Variants in GAD2 observed in about 807,000 individuals in gnomAD.
GAD2 encodes the protein 65 kDa glutamic acid decarboxylase.
GAD2 carries 22 observed loss-of-function variants against 80.1 expected under a neutral mutation model. That is an observed-to-expected ratio of 0.27 (90% CI 0.20 to 0.39). The LOEUF is 0.39. Among genes scored for constraint, GAD2 ranks in the 10% least tolerant of loss-of-function variants. GAD2 has a pLI of 1.00. For synonymous variants in GAD2, 274 were observed against 256.9 expected (o/e 1.07, Z -0.64); for missense variants, 624 against 738.4 (o/e 0.85, Z 1.80).
chr10:26,249,756 C>A (rs1017472133), intron 8 of GAD2, among the ~76,000 whole-genome samples: 3 of 152,208 alleles, frequency 2.0e-5, no homozygotes, highest in African/African-American at 7.2e-5. Context: ...AAGGGGCCTG[C>A]CTGAGGACAT....
At position 26,217,827 on chromosome 10, in the gene GAD2, G is replaced by A. The variant is rs1198659746; in HGVS notation, c.137-15G>A. Reference sequence around the variant, plus strand: ...CGGAGGATTGACGAGGCCCGCGTTCGGTGTCCTTACCCAGCCCTGCTCTAC... The same window carrying A: ...CGGAGGATTGACGAGGCCCGCGTTCAGTGTCCTTACCCAGCCCTGCTCTAC... On this transcript the variant is annotated splice_polypyrimidine_tract_variant and intron_variant, in intron 2 of 15. Coordinates refer to ENST00000376261, the MANE Select transcript of GAD2 (RefSeq NM_001134366.2). This position sits in a 1 kb window ranked among gnomAD's most constrained non-coding sequence, Gnocchi z 4.9. The A allele has an allele frequency of 1.9e-6, 3 of 1,595,026 alleles. No individual in the cohort carries two copies. The Admixed American group carries it at 5.2e-5, about 28-fold the overall frequency.
At chr10:26,242,113 G>A (rs963401872) in intron 7 of GAD2, among the ~76,000 whole-genome samples, 2 of 152,082 alleles carry the variant, frequency 1.3e-5, no homozygotes, top group African/African-American at 4.8e-5. Context: ...AGCCTCCGGA[G>A]TAGCTGGGAC....
chr10:26,244,823 G>A (rs1463430720), intron 7 of GAD2, among the ~76,000 whole-genome samples: 1 of 152,162 alleles, frequency 6.6e-6, no homozygotes, highest in Non-Finnish European at 1.5e-5. Context: ...ACAACACTGT[G>A]AATATATTTG....
chr10:26,283,363 C>T (rs771274965), intron 12 of GAD2, among the ~76,000 whole-genome samples: 5 of 152,202 alleles, frequency 3.3e-5, no homozygotes, highest in Non-Finnish European at 4.4e-5. Context: ...AAAAGGGACA[C>T]TGTTATTGGA....
intron 7 of GAD2, among the ~76,000 whole-genome samples, chr10:26,237,232 C>G (rs1844684720): frequency 6.6e-6 from 1 of 152,164 alleles, no homozygotes; most frequent in Non-Finnish European, 1.5e-5. Flanking sequence ...GACGGATGCT[C>G]CCTTGTTCCC....
intron 6 of GAD2, among the ~76,000 whole-genome samples, chr10:26,225,576 G>C (rs1010520442): frequency 2.6e-5 from 4 of 152,136 alleles, no homozygotes; most frequent in African/African-American, 9.7e-5. Flanking sequence ...AAGGCCAAGT[G>C]GTTGTGCTCT....
At chr10:26,238,461 G>A (rs3904298) in intron 7 of GAD2, among the ~76,000 whole-genome samples, 19,776 of 152,216 alleles carry the variant, frequency 0.13, 1,610 homozygotes, top group African/African-American at 0.24. Context: ...CACTACTGAT[G>A]TTCACATTTG....
chr10:26,270,556 G>A (rs996886806), intron 9 of GAD2, 84 bp from the exon 10 acceptor site: 2 of 977,350 alleles, frequency 2.0e-6, no homozygotes, highest in African/African-American at 3.2e-5. Flanking sequence ...CTGTTAGGGA[G>A]AGAATTTCCA....
intron 7 of GAD2, among the ~76,000 whole-genome samples, chr10:26,232,919 C>T (rs139630808): frequency 1.4e-4 from 21 of 152,328 alleles, no homozygotes; most frequent in African/African-American, 4.6e-4. Context: ...ATTTGAATTA[C>T]GAAGCTCTCC....
chr10:26,249,516 A>C (rs1844853362), intron 8 of GAD2, among the ~76,000 whole-genome samples: 1 of 152,260 alleles, frequency 6.6e-6, no homozygotes, highest in African/African-American at 2.4e-5. Context: ...AGAATCACCT[A>C]GAGGGCCGTG....
In GAD2 at chr10:26,245,907, TA is replaced by T. The variant is rs1805399; in HGVS notation, c.841-13del. On this transcript the variant is annotated splice_polypyrimidine_tract_variant and intron_variant, in intron 7 of 15. Transcript: ENST00000376261. ...ATATGGAACTAATTGCAAATATATATATTTTTTTTACAGAGTCATTTTTCTC... is the reference window on the plus strand; with the variant it reads ...ATATGGAACTAATTGCAAATATATATTTTTTTTTACAGAGTCATTTTTCTC... 5.1e-3 allele frequency: 8,071 copies of T among 1,595,856 alleles called. 295 individuals carry two copies. In the African/African-American group the frequency reaches 0.091, roughly 18 times the overall value.
chr10:26,222,792 G>A lies in GAD2; in HGVS notation c.521-1095G>A, dbSNP rs147128411. On this transcript the variant is annotated intron_variant, in intron 4 of 15. Coordinates refer to ENST00000376261, the MANE Select transcript of GAD2 (RefSeq NM_001134366.2). Reference sequence around the variant, plus strand: ...GGAGATAAGCTAGCCATTGACTTTTGTCCCTGCTCTTCCCCATTGCCTTCC... The same window carrying A: ...GGAGATAAGCTAGCCATTGACTTTTATCCCTGCTCTTCCCCATTGCCTTCC... Among the ~76,000 whole-genome samples, 11 of 152,364 alleles carry A rather than the reference G, an allele frequency of 7.2e-5. No individual in the cohort carries two copies. In the East Asian group the frequency reaches 1.3e-3, roughly 19 times the overall value.
chr10:26,267,583 G>A (rs950279274), intron 8 of GAD2, among the ~76,000 whole-genome samples: 3 of 152,134 alleles, frequency 2.0e-5, no homozygotes, highest in African/African-American at 7.2e-5. Context: ...TGCATCAAAT[G>A]TAACTGTAAT....
At chr10:26,285,472 T>C (rs1845320147) in intron 12 of GAD2, among the ~76,000 whole-genome samples, 1 of 152,220 alleles carries the variant, frequency 6.6e-6, no homozygotes, top group Non-Finnish European at 1.5e-5. Context: ...TTCCAGTGTT[T>C]CATGACAAAT....
intron 9 of GAD2, among the ~76,000 whole-genome samples, chr10:26,269,922 C>A (rs1052632572): frequency 2.0e-5 from 3 of 152,164 alleles, no homozygotes; most frequent in Non-Finnish European, 4.4e-5. Context: ...CTTCTAGTAA[C>A]ATCAACTAGA....
chr10:26,245,442 A>ATTTT (rs141717289), intron 7 of GAD2, among the ~76,000 whole-genome samples: 1 of 147,698 alleles, frequency 6.8e-6, no homozygotes, highest in African/African-American at 2.5e-5. Context: ...TTTTACCACA[A>ATTTT]TTTTTTTTTT....
chr10:26,287,367 A>G (rs1845345793), intron 13 of GAD2, among the ~76,000 whole-genome samples: 1 of 152,220 alleles, frequency 6.6e-6, no homozygotes, highest in Admixed American at 6.5e-5. Flanking sequence ...CAACCTTAAT[A>G]ACAGAGAGAG....
chr10:26,246,806 GTGGAACTGCA>G (rs1264953660), intron 8 of GAD2, among the ~76,000 whole-genome samples: 15 of 152,204 alleles, frequency 9.9e-5, no homozygotes, highest in Admixed American at 9.2e-4. Flanking sequence ...TAGTTACAGG[GTGGAACTGCA>G]TGGCATGAAG....
At chr10:26,265,806 G>A (rs1845066662) in intron 8 of GAD2, among the ~76,000 whole-genome samples, 1 of 152,202 alleles carries the variant, frequency 6.6e-6, no homozygotes, top group Admixed American at 6.5e-5. Context: ...GTGCAGAAAG[G>A]CCAGGACTGA....
Sources: gnomAD v4.1 joint callset for allele counts (sites outside exome capture counted in the v4.1 genomes callset) on GRCh38, gnomAD v4.1.1 for gene constraint, Gnocchi (gnomAD v3.1) non-coding constraint, MANE v1.5 for transcripts, NCBI Gene and HGNC (gene_info 2026-07-23, HGNC 2026-07-21) for gene names.